CDH13: variants seen among roughly 807,000 people sequenced by gnomAD.
CDH13 encodes cadherin 13.
CDH13 carries 24 observed loss-of-function variants against 63.8 expected under a neutral mutation model. That is an observed-to-expected ratio of 0.38 (90% CI 0.27 to 0.53). CDH13 has a LOEUF of 0.53. Among genes scored for constraint, CDH13 ranks in the 20% least tolerant of loss-of-function variants. CDH13 has a pLI of 0.85. For missense variants in CDH13, 1,049 were observed against 903.1 expected (o/e 1.16, Z -2.07); for synonymous variants, 503 against 355.3 (o/e 1.42, Z -4.67).
Position 83,756,877 on chromosome 16 carries a change from A to G in CDH13, c.1681+8627A>G, listed in dbSNP as rs552970080. Among the ~76,000 whole-genome samples the G allele has an allele frequency of 3.3e-5, 5 of 152,340 alleles. No individual in the cohort carries two copies. The South Asian group carries it at 8.3e-4, about 25-fold the overall frequency. ...ACATCTCTCATATCAGCTTCAAGAAAAAACAACAAGGAGTAAAGCTGTAAA... is the reference window on the plus strand; with the variant it reads ...ACATCTCTCATATCAGCTTCAAGAAGAAACAACAAGGAGTAAAGCTGTAAA... On this transcript the variant is annotated intron_variant, in intron 11 of 13. Transcript: ENST00000567109.
At chr16:83,496,694 C>CA (rs895588654) in intron 7 of CDH13, among the ~76,000 whole-genome samples, 10 of 152,174 alleles carry the variant, frequency 6.6e-5, no homozygotes, top group African/African-American at 2.4e-4. Flanking sequence ...TTCTGCACAG[C>CA]AAAAGAAACT....
chr16:82,657,356 G>A (rs977689436), intron 1 of CDH13, among the ~76,000 whole-genome samples: 2 of 152,134 alleles, frequency 1.3e-5, no homozygotes, highest in African/African-American at 4.8e-5. Context: ...CTTTTAATCT[G>A]TCAGTCTGAT....
At chr16:83,644,433 G>C (rs1349371494) in intron 8 of CDH13, among the ~76,000 whole-genome samples, 1 of 152,188 alleles carries the variant, frequency 6.6e-6, no homozygotes, top group Non-Finnish European at 1.5e-5. Flanking sequence ...AAAAATGCTT[G>C]AATGTACATC....
intron 7 of CDH13, among the ~76,000 whole-genome samples, chr16:83,602,028 G>A (rs1907845270): frequency 7.0e-6 from 1 of 143,840 alleles, no homozygotes; most frequent in African/African-American, 2.6e-5. Context: ...GGGAGGCGGA[G>A]GTTGCAGTGA....
intron 6 of CDH13, among the ~76,000 whole-genome samples, chr16:83,412,409 C>A (rs1028507215): frequency 4.6e-5 from 7 of 152,106 alleles, no homozygotes; most frequent in African/African-American, 1.7e-4. Context: ...TTGCAATGAG[C>A]CAAGTTCACA....
chr16:83,618,205 G>A (rs991572109), intron 8 of CDH13, among the ~76,000 whole-genome samples: 8 of 152,162 alleles, frequency 5.3e-5, no homozygotes, highest in East Asian at 1.9e-4. Context: ...TGGGCTGATC[G>A]CCTAAGCTCA....
chr16:83,221,116 A>G (rs577009245), intron 5 of CDH13, among the ~76,000 whole-genome samples: 2 of 152,144 alleles, frequency 1.3e-5, no homozygotes, highest in Non-Finnish European at 2.9e-5. Context: ...AAAGCCCCAC[A>G]TTTTCAATCA....
Position 82,667,938 on chromosome 16 carries a change from A to G in CDH13, c.45+40801A>G, listed in dbSNP as rs547607597. 2.6e-5 allele frequency among the ~76,000 whole-genome samples: 4 copies of G among 152,246 alleles called. No homozygotes were observed. In the South Asian group the frequency reaches 6.2e-4, roughly 24 times the overall value. On this transcript the variant is annotated intron_variant, in intron 1 of 13. Transcript: ENST00000567109. Reference sequence around the variant, plus strand: ...AATACAGTTTTTTAGAAACACCTGTATTTGTCACGCTGACCTAATATTAAC... The same window carrying G: ...AATACAGTTTTTTAGAAACACCTGTGTTTGTCACGCTGACCTAATATTAAC...
intron 5 of CDH13, among the ~76,000 whole-genome samples, chr16:83,343,854 G>T (rs2090779883): frequency 6.6e-6 from 1 of 152,174 alleles, no homozygotes; most frequent in Non-Finnish European, 1.5e-5. Context: ...TCTGTAAAAA[G>T]ATCCAAAGGG....
intron 1 of CDH13, among the ~76,000 whole-genome samples, chr16:82,857,817 T>G (rs1165530475): frequency 2.0e-5 from 3 of 152,114 alleles, no homozygotes; most frequent in Non-Finnish European, 2.9e-5. Context: ...AGTGTGTATT[T>G]TATACTTACA....
chr16:82,896,129 T>C (rs1165122092), intron 2 of CDH13, among the ~76,000 whole-genome samples: 1 of 152,150 alleles, frequency 6.6e-6, no homozygotes, highest in East Asian at 1.9e-4. Context: ...ATTCGTATCT[T>C]ACCTGTTTCC....
rs151318241 is a variant in CDH13, at chr16:82,831,167, G to C, written c.46-27195G>C. Among the ~76,000 whole-genome samples the C allele has an allele frequency of 4.0e-3, 611 of 152,238 alleles. 4 individuals carry two copies. Among genetic ancestry groups the C allele is most frequent in the African/African-American group, 0.013 (558 of 41,550 alleles). On this transcript the variant is annotated intron_variant, in intron 1 of 13. Coordinates refer to ENST00000567109, the MANE Select transcript of CDH13 (RefSeq NM_001257.5). The stretch of plus-strand genomic sequence containing the variant: ...TGAATAGGAATCTACATTTTCACAA[G>C]ATTCCAGATGATTTGCATACACAGT...
intron 8 of CDH13, among the ~76,000 whole-genome samples, chr16:83,618,292 G>A (rs1003841396): frequency 6.6e-6 from 1 of 152,080 alleles, no homozygotes; most frequent in Non-Finnish European, 1.5e-5. Context: ...AGGCATGGTG[G>A]CATGTGCCTG....
At chr16:82,639,807 G>C (rs1456294249) in intron 1 of CDH13, among the ~76,000 whole-genome samples, 1 of 152,248 alleles carries the variant, frequency 6.6e-6, no homozygotes, top group Non-Finnish European at 1.5e-5. Context: ...ACTAGCCACA[G>C]AGCAGCGAGA....
intron 1 of CDH13, among the ~76,000 whole-genome samples, chr16:82,656,439 T>A (rs1046788029): frequency 2.0e-5 from 3 of 152,142 alleles, no homozygotes; most frequent in African/African-American, 7.2e-5. Flanking sequence ...CAGGTTTAAG[T>A]TCACAGCAAA....
intron 12 of CDH13, among the ~76,000 whole-genome samples, chr16:83,781,719 T>A (rs78853313): frequency 6.6e-6 from 1 of 152,198 alleles, no homozygotes; most frequent in Admixed American, 6.5e-5. Flanking sequence ...ATTTGAATAA[T>A]CATCTCCAGT....
chr16:82,887,053 C>G (rs1428186801), intron 2 of CDH13, among the ~76,000 whole-genome samples: 4 of 152,176 alleles, frequency 2.6e-5, no homozygotes, highest in African/African-American at 7.2e-5. Context: ...GTGTAGGTTT[C>G]TCACCCTAGA....
intron 13 of CDH13, among the ~76,000 whole-genome samples, chr16:83,794,789 T>C (rs1904274497): frequency 6.6e-6 from 1 of 152,120 alleles, no homozygotes. Context: ...GTCTGAGCGA[T>C]GTTTGGCATC....
chr16:83,415,281 G>T, intron 6 of CDH13, among the ~76,000 whole-genome samples: 1 of 152,112 alleles, frequency 6.6e-6, no homozygotes, highest in East Asian at 1.9e-4. Context: ...GATTGAATCG[G>T]TAACCACAAA....
Sources: gnomAD v4.1 joint callset for allele counts (sites outside exome capture counted in the v4.1 genomes callset) on GRCh38, gnomAD v4.1.1 for gene constraint, MANE v1.5 for transcripts, NCBI Gene and HGNC (gene_info 2026-07-23, HGNC 2026-07-21) for gene names.